Variants in C2orf15 observed in about 807,000 individuals in gnomAD.
The protein encoded by C2orf15 is uncharacterized protein C2orf15.
In C2orf15, 3 loss-of-function variants were observed where a neutral mutation model predicts 4.4. That is an observed-to-expected ratio of 0.67 (90% confidence interval 0.31 to 1.74). C2orf15 has a LOEUF of 1.74. Ranked by LOEUF, C2orf15 falls within the 40% of genes most tolerant of loss-of-function variation. The probability of loss-of-function intolerance (pLI) is 0.09; values close to 1 mark genes in which losing one functional copy is unlikely to be tolerated. For missense variants in C2orf15, 90 were observed against 103.3 expected (o/e 0.87, Z 0.56); for synonymous variants, 37 against 36.8 (o/e 1.00, Z -0.02).
At chr2:99,147,558 T>G in intron 3 of C2orf15, 65 bp downstream of exon 3, 1 of 1,331,498 alleles carries the variant, frequency 7.5e-7, no homozygotes. Flanking sequence ...TTTATTAGAT[T>G]GAAGTTTAAT....
At chr2:99,144,145 C>G (rs535999522) in intron 2 of C2orf15, among the ~76,000 whole-genome samples, 1 of 152,106 alleles carries the variant, frequency 6.6e-6, no homozygotes, top group African/African-American at 2.4e-5. Flanking sequence ...CTCAGCCTCC[C>G]GAGCAGCTGG....
intron 2 of C2orf15, among the ~76,000 whole-genome samples, chr2:99,146,464 G>GAAATTCTCA (rs2093633205): frequency 6.9e-6 from 1 of 145,050 alleles, no homozygotes; most frequent in Non-Finnish European, 1.5e-5. Context: ...TCATTGAATA[G>GAAATTCTCA]AAATTCTCAA....
intron 3 of C2orf15, among the ~76,000 whole-genome samples, chr2:99,148,640 A>G (rs2093656476): frequency 6.6e-6 from 1 of 152,216 alleles, no homozygotes; most frequent in Admixed American, 6.5e-5. Flanking sequence ...TATCAAAGAT[A>G]CCACAGTAGG....
chr2:99,147,519 C>A (rs140408417), intron 3 of C2orf15, 26 bp downstream of exon 3: 1 of 1,606,872 alleles, frequency 6.2e-7, no homozygotes, highest in Non-Finnish European at 8.5e-7. Context: ...CCAAGTCTAC[C>A]CTATTATACT....
chr2:99,148,466 A>G (rs74658951), intron 3 of C2orf15: 1 of 152,308 alleles, frequency 6.6e-6, no homozygotes, highest in East Asian at 1.9e-4. Context: ...TGTTATATTA[A>G]TATTTGAGTA....
Position 99,150,530 on chromosome 2 carries a change from A to C in C2orf15, c.-29A>C, listed in dbSNP as rs1331660727. ...CCACTACTTAAAAAGGTACCTGCAA[A>C]TTACTTTCACATTTGTTCAGCTATC... is the stretch of plus-strand genomic sequence containing the variant. On this transcript the variant is annotated 5_prime_UTR_variant, in exon 4 of 4. Coordinates refer to ENST00000650052, the MANE Select transcript of C2orf15 (RefSeq NM_144706.4). The C allele has an allele frequency of 6.2e-7, 1 of 1,602,840 alleles. No homozygotes were observed.
At chr2:99,147,253 G>C in intron 2 of C2orf15, 149 bp from the exon 3 acceptor site, 1 of 470,544 alleles carries the variant, frequency 2.1e-6, no homozygotes, top group Non-Finnish European at 3.8e-6. Context: ...TTTCCACCTT[G>C]GCCTCCCAAA....
At position 99,150,846 on chromosome 2, in the gene C2orf15, C is replaced by T. The variant is rs111826595; in HGVS notation, c.*12C>T. On this transcript the variant is annotated 3_prime_UTR_variant, in exon 4 of 4. Coordinates refer to ENST00000650052, the MANE Select transcript of C2orf15 (RefSeq NM_144706.4). ...CAGATGTGGAATGAAGCAATTTGTA[C>T]GTATTACCAAAGAAACCAAAAACTG... is the stretch of plus-strand genomic sequence containing the variant. 2.1e-3 allele frequency: 3,190 copies of T among 1,543,680 alleles called. 20 individuals carry two copies. In the African/African-American group the frequency reaches 0.025, roughly 12 times the overall value.
chr2:99,148,348 T>G (rs532356083), intron 3 of C2orf15: 1 of 152,302 alleles, frequency 6.6e-6, no homozygotes, highest in South Asian at 2.1e-4. Flanking sequence ...AAGTTCCAAA[T>G]CTAAAAATCA....
At chr2:99,148,160 T>C (rs1355832063) in intron 3 of C2orf15, 1 of 152,240 alleles carries the variant, frequency 6.6e-6, no homozygotes, top group Non-Finnish European at 1.5e-5. Context: ...ATTTGTTTCA[T>C]AGAAGATACT....
intron 3 of C2orf15, 64 bp from the exon 4 acceptor site, chr2:99,150,403 CTTTTCATTCAAACAAA>C: frequency 2.5e-6 from 2 of 791,544 alleles, no homozygotes; most frequent in South Asian, 1.9e-5. Flanking sequence ...ATCACCACAG[CTTTTCATTCAAACAAA>C]CATTGCCATG....
chr2:99,147,401 G>C lies in C2orf15; in HGVS notation c.-168-1G>C. The C allele has an allele frequency of 6.9e-7, 1 of 1,446,524 alleles. No individual in the cohort carries two copies. Among genetic ancestry groups the C allele is most frequent in the Non-Finnish European group, 9.7e-7 (1 of 1,028,282 alleles). The allele number at this position is 1,446,524 out of a possible 1,614,324, so 89.6% of individuals were successfully genotyped here. ...CCTTTATTCTTACATATATATTCCAGATTTCTTCTTGAATGGCAACCTAAA... is the reference window on the plus strand; with the variant it reads ...CCTTTATTCTTACATATATATTCCACATTTCTTCTTGAATGGCAACCTAAA... On this transcript the variant is annotated splice_acceptor_variant, in intron 2 of 3. Transcript: ENST00000650052. LOFTEE classifies it low-confidence loss of function (5UTR_SPLICE).
chr2:99,145,181 A>G (rs1408713273), intron 2 of C2orf15, among the ~76,000 whole-genome samples: 3 of 152,096 alleles, frequency 2.0e-5, no homozygotes, highest in Non-Finnish European at 4.4e-5. Flanking sequence ...ATCCCAGTCT[A>G]TATTCAACGC....
intron 3 of C2orf15, among the ~76,000 whole-genome samples, chr2:99,148,602 A>G (rs2093656104): frequency 6.6e-6 from 1 of 152,248 alleles, no homozygotes; most frequent in African/African-American, 2.4e-5. Flanking sequence ...GTCAGTAATT[A>G]CAGCTTGATG....
In C2orf15 at chr2:99,150,687, C is replaced by T. The variant is rs769349584; in HGVS notation, c.129C>T (p.Asn43=). 2.5e-6 allele frequency: 4 copies of T among 1,614,000 alleles called. 1 individual carries two copies. Among genetic ancestry groups the T allele is most frequent in the Non-Finnish European group, 8.5e-7 (1 of 1,179,964 alleles). ...RLEPATQLFQ[N]TKKIRLEDTN... is the part of the protein sequence containing the mutation. The stretch of plus-strand genomic sequence containing the variant: ...AACCAGCGACTCAGTTATTTCAAAA[C>T]ACCAAGAAAATAAGATTAGAAGACA... Residue 43 remains asparagine, a synonymous_variant, in exon 4 of 4, where the codon AAC becomes AAT. Coordinates refer to ENST00000650052, the MANE Select transcript of C2orf15 (RefSeq NM_144706.4).
At chr2:99,145,840 T>C (rs1003606391) in intron 2 of C2orf15, among the ~76,000 whole-genome samples, 3 of 152,168 alleles carry the variant, frequency 2.0e-5, no homozygotes, top group Non-Finnish European at 4.4e-5. Flanking sequence ...GGTTTTGTTA[T>C]AAAAGGTTCA....
chr2:99,150,382 A>C lies in C2orf15; in HGVS notation c.-76-101A>C, dbSNP rs547833876. 7.7e-6 allele frequency: 5 copies of C among 645,462 alleles called. 1 individual carries two copies. The South Asian group carries it at 9.5e-5, about 12-fold the overall frequency. The allele number at this position is 645,462 out of a possible 1,614,324, so 40.0% of individuals were successfully genotyped here. On this transcript the variant is annotated intron_variant, in intron 3 of 3. Coordinates refer to ENST00000650052, the MANE Select transcript of C2orf15 (RefSeq NM_144706.4). ...GAAAGGTAGGAGGCAATTTTACTTT[A>C]TATTTCTAGTATCACCACAGCTTTT...
At position 99,151,052 on chromosome 2, in the gene C2orf15, G is replaced by T. The variant is rs956221551; in HGVS notation, c.*218G>T. The T allele has an allele frequency of 9.7e-6, 4 of 412,316 alleles. No individual in the cohort carries two copies. The highest frequency in any genetic ancestry group is 2.0e-5 in the African/African-American group (1 of 48,824). 25.5% of individuals were successfully genotyped at this position (412,316 alleles called of 1,614,324 possible). The stretch of plus-strand genomic sequence containing the variant: ...AAAAAGCCTTCCAAGATTCAAAGCA[G>T]ATTTCTCTGGTATTATATTATATCC... On this transcript the variant is annotated 3_prime_UTR_variant, in exon 4 of 4. Transcript: ENST00000650052.
chr2:99,147,181 G>T, intron 2 of C2orf15: 1 of 349,674 alleles, frequency 2.9e-6, no homozygotes, highest in Non-Finnish European at 5.1e-6. Context: ...ATTTTTTTCT[G>T]ATAGGGATGA....
Sources: allele counts gnomAD v4.1 joint callset (sites outside exome capture counted in the v4.1 genomes callset), GRCh38; gene constraint gnomAD v4.1.1; transcripts MANE v1.5; gene names NCBI Gene and HGNC (gene_info 2026-07-23, HGNC 2026-07-21).